The following WIPF3 variants were observed in gnomAD, a reference collection of about 807,000 sequenced individuals.
The protein encoded by WIPF3 is WAS/WASL-interacting protein family member 3.
Under a neutral mutation model 38.9 loss-of-function variants are expected in WIPF3, and 33 were observed. That is an observed-to-expected ratio of 0.85 (90% CI 0.64 to 1.14). WIPF3 has a LOEUF of 1.14. Among genes scored for constraint, WIPF3 ranks in the 50% most tolerant of loss-of-function variants. The pLI is 0.00. For synonymous variants in WIPF3, 324 were observed against 269.3 expected (o/e 1.20, Z -1.99); for missense variants, 711 against 652.5 (o/e 1.09, Z -0.98).
intron 6 of WIPF3, among the ~76,000 whole-genome samples, chr7:29,888,792 A>G (rs1785946339): frequency 6.6e-6 from 1 of 152,150 alleles, no homozygotes; most frequent in African/African-American, 2.4e-5. Context: ...CCTCCTGCCA[A>G]CAGATCCCAG....
intron 7 of WIPF3, among the ~76,000 whole-genome samples, chr7:29,896,865 A>C (rs1786156260): frequency 6.6e-6 from 1 of 152,244 alleles, no homozygotes; most frequent in Admixed American, 6.5e-5. Context: ...CTTCCTATCA[A>C]CAGATACTCA....
intron 1 of WIPF3, among the ~76,000 whole-genome samples, chr7:29,832,028 A>G (rs188795774): frequency 1.7e-3 from 263 of 152,238 alleles, no homozygotes; most frequent in Non-Finnish European, 3.0e-3. Flanking sequence ...GGTAAGTGGT[A>G]TTTCCGTTTG....
intron 1 of WIPF3, among the ~76,000 whole-genome samples, chr7:29,819,130 A>G (rs1272790809): frequency 6.6e-6 from 1 of 151,094 alleles, no homozygotes; most frequent in Admixed American, 6.6e-5. Context: ...ACTGCTTCTT[A>G]GAGGTTGGGC....
At chr7:29,853,031 A>T (rs1301998111) in intron 2 of WIPF3, among the ~76,000 whole-genome samples, 3 of 152,216 alleles carry the variant, frequency 2.0e-5, no homozygotes, top group Non-Finnish European at 4.4e-5. Context: ...AGATTCTGAG[A>T]CAAGGCTTTG....
intron 7 of WIPF3, among the ~76,000 whole-genome samples, chr7:29,902,265 C>CTTTTTTTTTTTTTTTTTTTTTTTTTTTT (rs141174377): frequency 8.6e-6 from 1 of 116,392 alleles, no homozygotes; most frequent in Non-Finnish European, 1.8e-5. Context: ...TTTTCTTCTT[C>CTTTTTTTTTTTTTTTTTTTTTTTTTTTT]TTCTTCTTCT....
At chr7:29,861,663 G>A (rs1196348518) in intron 2 of WIPF3, among the ~76,000 whole-genome samples, 6 of 152,196 alleles carry the variant, frequency 3.9e-5, no homozygotes, top group Non-Finnish European at 8.8e-5. Flanking sequence ...ACTTAGACCA[G>A]AATGGTTGTG....
rs1340071587 is a variant in WIPF3 at position 29,916,949 on chromosome 7, CACTG to C, written c.*2436_*2439del. 1.3e-5 allele frequency: 2 copies of C among 152,316 alleles called. No homozygotes were observed. The highest frequency in any genetic ancestry group is 2.4e-5 in the African/African-American group (1 of 41,562). 9.4% of individuals were successfully genotyped at this position (152,316 alleles called of 1,614,324 possible). A position where few individuals can be genotyped will look rare whatever the true frequency, so the allele number is the denominator to read the frequency against. The stretch of plus-strand genomic sequence containing the variant: ...AGTCCCCGCCATTGTCACATATTCT[CACTG>C]ACACTGCAGTCTGTGACTCCTCCAA... On this transcript the variant is annotated 3_prime_UTR_variant, in exon 9 of 9. Transcript: ENST00000242140.
At chr7:29,905,840 T>C (rs933437690) in intron 8 of WIPF3, 9 of 152,128 alleles carry the variant, frequency 5.9e-5, no homozygotes, top group African/African-American at 2.2e-4. Context: ...CTCTTTTTTT[T>C]TCCCCATTTG....
At chr7:29,856,373 A>G (rs1286023775) in intron 2 of WIPF3, among the ~76,000 whole-genome samples, 2 of 152,218 alleles carry the variant, frequency 1.3e-5, no homozygotes, top group African/African-American at 4.8e-5. Flanking sequence ...CACACCTGCA[A>G]TCCCAGCACT....
intron 2 of WIPF3, among the ~76,000 whole-genome samples, chr7:29,849,314 A>G (rs1785054254): frequency 6.6e-6 from 1 of 152,170 alleles, no homozygotes; most frequent in African/African-American, 2.4e-5. Flanking sequence ...TTGCCATCAT[A>G]ATCTTCCTTG....
intron 2 of WIPF3, among the ~76,000 whole-genome samples, chr7:29,845,809 C>T (rs187945531): frequency 6.6e-6 from 1 of 152,318 alleles, no homozygotes; most frequent in Non-Finnish European, 1.5e-5. Flanking sequence ...GTCCGAAGGA[C>T]GTAGTAGGCA....
chr7:29,870,375 T>TCCAG (rs1445736764), intron 2 of WIPF3, among the ~76,000 whole-genome samples: 1 of 152,024 alleles, frequency 6.6e-6, no homozygotes, highest in African/African-American at 2.4e-5. Flanking sequence ...CATAAGGGAA[T>TCCAG]CCAGAGGTGA....
At chr7:29,884,645 G>T in intron 5 of WIPF3, 52 bp downstream of exon 5, 1 of 1,544,904 alleles carries the variant, frequency 6.5e-7, no homozygotes, top group South Asian at 1.2e-5. Flanking sequence ...ATAAAATCTC[G>T]TCGTTGCACA....
chr7:29,910,894 A>G (rs538835126), intron 8 of WIPF3, among the ~76,000 whole-genome samples: 31 of 152,200 alleles, frequency 2.0e-4, no homozygotes, highest in South Asian at 8.3e-4. Flanking sequence ...TCTATTCAAC[A>G]TAGTACTGGA....
At chr7:29,830,266 C>T (rs1439582694) in intron 1 of WIPF3, among the ~76,000 whole-genome samples, 2 of 151,698 alleles carry the variant, frequency 1.3e-5, no homozygotes, top group East Asian at 3.9e-4. Flanking sequence ...CAAGGCCGCT[C>T]AGGTGAGGGA....
chr7:29,811,373 C>T (rs1239636023), intron 1 of WIPF3, among the ~76,000 whole-genome samples: 1 of 151,974 alleles, frequency 6.6e-6, no homozygotes, highest in Non-Finnish European at 1.5e-5. Flanking sequence ...TAGCAAACAA[C>T]ATAAAATTAA....
At chr7:29,889,280 ACT>A (rs779485959) in intron 6 of WIPF3, 24 bp from the exon 7 acceptor site, 3 of 1,586,828 alleles carry the variant, frequency 1.9e-6, no homozygotes, top group Non-Finnish European at 1.7e-6. Context: ...AACCTGAGTA[ACT>A]CTTTCCATTT....
intron 2 of WIPF3, among the ~76,000 whole-genome samples, chr7:29,856,998 T>C (rs1462089285): frequency 6.6e-6 from 1 of 152,192 alleles, no homozygotes; most frequent in African/African-American, 2.4e-5. Flanking sequence ...TGCCGTCAGG[T>C]AAGACATATG....
intron 5 of WIPF3, among the ~76,000 whole-genome samples, chr7:29,885,845 C>G (rs1254943391): frequency 6.6e-6 from 1 of 152,096 alleles, no homozygotes; most frequent in Non-Finnish European, 1.5e-5. Flanking sequence ...TTCAATCACC[C>G]ATAATAACAT....
Sources: gnomAD v4.1 joint callset for allele counts (sites outside exome capture counted in the v4.1 genomes callset) on GRCh38, gnomAD v4.1.1 for gene constraint, MANE v1.5 for transcripts, NCBI Gene and HGNC (gene_info 2026-07-23, HGNC 2026-07-21) for gene names.